The following DGKB variants were observed in gnomAD, a reference collection of about 807,000 sequenced individuals.
DGKB encodes the protein 90 kDa diacylglycerol kinase.
In DGKB, 67 loss-of-function variants were observed where a neutral mutation model predicts 114.3. That is an observed-to-expected ratio of 0.59 (90% confidence interval 0.48 to 0.72). The LOEUF (loss-of-function observed/expected upper bound fraction) is 0.72. DGKB is among the 30% of genes least tolerant of loss of function. The probability of loss-of-function intolerance (pLI) is 0.00; values close to 1 mark genes in which losing one functional copy is unlikely to be tolerated. For synonymous variants in DGKB, 398 were observed against 323.1 expected, an observed-to-expected ratio of 1.23 and a Z score of -2.49; for missense variants, 907 against 975.2, an observed-to-expected ratio of 0.93 and a Z score of 0.93.
At chr7:14,271,211 A>G (rs1256608117) in intron 23 of DGKB, among the ~76,000 whole-genome samples, 2 of 152,146 alleles carry the variant, frequency 1.3e-5, no homozygotes, top group African/African-American at 2.4e-5. Context: ...TTTCCCTTGT[A>G]TTTTAACAGA....
chr7:14,313,011 A>T (rs1239116991), intron 23 of DGKB, among the ~76,000 whole-genome samples: 3 of 152,186 alleles, frequency 2.0e-5, no homozygotes, highest in African/African-American at 7.2e-5. Context: ...ATAGTTAAGA[A>T]ATCCATTCAA....
chr7:14,636,795 G>A (rs1032613360), intron 13 of DGKB, among the ~76,000 whole-genome samples: 3 of 151,892 alleles, frequency 2.0e-5, no homozygotes, highest in Admixed American at 6.6e-5. Context: ...AATTGCTTAG[G>A]AGACAACAAT....
chr7:14,889,859 T>C (rs1780910748), intron 1 of DGKB, among the ~76,000 whole-genome samples: 1 of 151,538 alleles, frequency 6.6e-6, no homozygotes, highest in Admixed American at 6.6e-5. Flanking sequence ...AACCCAGACC[T>C]GTCAAGGAAG....
At chr7:14,208,745 G>T (rs374940001) in intron 23 of DGKB, among the ~76,000 whole-genome samples, 39 of 152,036 alleles carry the variant, frequency 2.6e-4, no homozygotes, top group African/African-American at 7.7e-4. Flanking sequence ...TTGAAATATA[G>T]AAGTACTAGG....
At chr7:14,187,770 G>A (rs983035550) in intron 23 of DGKB, among the ~76,000 whole-genome samples, 4 of 152,122 alleles carry the variant, frequency 2.6e-5, no homozygotes, top group African/African-American at 9.7e-5. Context: ...TAGATTCACA[G>A]ATATAAATGT....
At chr7:14,919,416 C>T (rs1406575077) in intron 1 of DGKB, among the ~76,000 whole-genome samples, 1 of 152,062 alleles carries the variant, frequency 6.6e-6, no homozygotes, top group Non-Finnish European at 1.5e-5. Flanking sequence ...ATTAGATATC[C>T]ATATGCAAAT....
chr7:14,314,647 T>C lies in DGKB; in HGVS notation c.2122+23868A>G, dbSNP rs1301318057. Among the ~76,000 whole-genome samples the C allele has an allele frequency of 2.0e-5, 3 of 152,120 alleles. No individual in the cohort carries two copies. The East Asian group carries it at 5.8e-4, about 29-fold the overall frequency. ...CGGGACTATGTGAAAAGACCAAATC[T>C]ACGTCTGACTGGTGTACCTGAAAGT... On this transcript the variant is annotated intron_variant, in intron 23 of 25. Transcript: ENST00000402815.
chr7:14,488,068 A>G (rs1784087998), intron 20 of DGKB, among the ~76,000 whole-genome samples: 1 of 152,182 alleles, frequency 6.6e-6, no homozygotes, highest in South Asian at 2.1e-4. Context: ...ACAGAAACCC[A>G]TGACTACAGC....
rs1031195879 is a variant in DGKB at position 14,293,035 on chromosome 7, AAAAG to A, written c.2122+45476_2122+45479del. On this transcript the variant is annotated intron_variant, in intron 23 of 25. Transcript: ENST00000402815. ...CTTAGGATGAGAGAGAGAAAGAGGG[AAAAG>A]AAAGATTCACTGGATACATATTGAC... 1.1e-4 allele frequency among the ~76,000 whole-genome samples: 16 copies of A among 152,168 alleles called. No individual in the cohort carries two copies. The South Asian group carries it at 1.7e-3, about 16-fold the overall frequency.
chr7:14,580,988 T>C lies in DGKB; in HGVS notation c.1520-37A>G, dbSNP rs764287132. 4 of 1,458,316 alleles carry C rather than the reference T, an allele frequency of 2.7e-6. No individual in the cohort carries two copies. The African/African-American group carries it at 5.7e-5, about 21-fold the overall frequency. The allele number at this position is 1,458,316 out of a possible 1,614,324, so 90.3% of individuals were successfully genotyped here. A position where few individuals can be genotyped will look rare whatever the true frequency, so the allele number is the denominator to read the frequency against. ...AAAAAAATACAAATAAAGAAAATTT[T>C]AAGTTCAGATAAAACGACGGAAATA... On this transcript the variant is annotated intron_variant, in intron 18 of 25. Transcript: ENST00000402815.
At chr7:14,833,072 T>A (rs918965856) in intron 2 of DGKB, among the ~76,000 whole-genome samples, 1 of 152,072 alleles carries the variant, frequency 6.6e-6, no homozygotes, top group Non-Finnish European at 1.5e-5. Flanking sequence ...TCCTTCTTCC[T>A]TAGTCTCCAT....
Position 14,564,875 on chromosome 7 carries a change from G to C in DGKB, c.1770+9337C>G, listed in dbSNP as rs149044497. On this transcript the variant is annotated intron_variant, in intron 20 of 25. Coordinates refer to ENST00000402815, the MANE Select transcript of DGKB (RefSeq NM_001350709.2). The stretch of plus-strand genomic sequence containing the variant: ...TTCTTCTAGTAGACTCTAGGTATTA[G>C]TAAACCTCAAGGCTTTATCCTAAAG... Among the ~76,000 whole-genome samples the C allele has an allele frequency of 6.3e-3, 954 of 152,050 alleles. 7 individuals are homozygous for C. The highest frequency in any genetic ancestry group is 0.022 in the African/African-American group (897 of 41,460).
chr7:14,287,978 G>T (rs1480658809), intron 23 of DGKB, among the ~76,000 whole-genome samples: 1 of 152,044 alleles, frequency 6.6e-6, no homozygotes, highest in Non-Finnish European at 1.5e-5. Context: ...CCATATAATG[G>T]AGAGGAATGA....
chr7:14,214,436 A>C (rs143506415), intron 23 of DGKB, among the ~76,000 whole-genome samples: 7 of 152,240 alleles, frequency 4.6e-5, no homozygotes, highest in African/African-American at 1.2e-4. Flanking sequence ...AGGAGAAAAA[A>C]TCTGCTTTGG....
chr7:14,960,154 T>G (rs1187324639), intron 1 of DGKB, among the ~76,000 whole-genome samples: 1 of 152,070 alleles, frequency 6.6e-6, no homozygotes, highest in Non-Finnish European at 1.5e-5. Context: ...CTCTTAACTT[T>G]GATGTATTTA....
At chr7:14,224,955 G>A (rs1790553277) in intron 23 of DGKB, among the ~76,000 whole-genome samples, 1 of 152,120 alleles carries the variant, frequency 6.6e-6, no homozygotes, top group South Asian at 2.1e-4. Context: ...AGTTCCTGAG[G>A]TCGGTGTTTG....
At chr7:14,711,741 G>T (rs1016370958) in intron 6 of DGKB, among the ~76,000 whole-genome samples, 1 of 152,102 alleles carries the variant, frequency 6.6e-6, no homozygotes, top group Non-Finnish European at 1.5e-5. Flanking sequence ...GATCTCTGGG[G>T]AGTATGTAAG....
At chr7:14,801,160 T>G (rs968947020) in intron 2 of DGKB, among the ~76,000 whole-genome samples, 4 of 152,176 alleles carry the variant, frequency 2.6e-5, no homozygotes, top group Non-Finnish European at 5.9e-5. Context: ...TTCTACATCA[T>G]AGGACTTAAG....
chr7:14,435,995 G>T (rs980673592), intron 21 of DGKB, among the ~76,000 whole-genome samples: 2 of 151,948 alleles, frequency 1.3e-5, no homozygotes, highest in Non-Finnish European at 2.9e-5. Context: ...GAAATTATCA[G>T]TCTTTTTGGC....
Sources: gnomAD v4.1 joint callset for allele counts (sites outside exome capture counted in the v4.1 genomes callset) on GRCh38, gnomAD v4.1.1 for gene constraint, MANE v1.5 for transcripts, NCBI Gene and HGNC (gene_info 2026-07-23, HGNC 2026-07-21) for gene names.